Variants in RNF17 observed in about 807,000 individuals in gnomAD.
RNF17 encodes ring finger protein 17.
RNF17 carries 31 observed loss-of-function variants against 200.5 expected under a neutral mutation model. The ratio of observed to expected loss-of-function variants is 0.15; its 90% CI spans 0.12 to 0.21. The LOEUF is 0.21. Ranked by LOEUF, RNF17 falls within the 10% of genes least tolerant of loss-of-function variation. The pLI is 1.00. For missense variants in RNF17, 1,628 were observed against 1,905.1 expected (o/e 0.85, Z 2.71); for synonymous variants, 606 against 637.8 (o/e 0.95, Z 0.75).
At position 24,870,694 on chromosome 13, in the gene RNF17, A is replaced by G. The variant is rs1464895435; in HGVS notation, c.4402A>G (p.Asn1468Asp). The change falls in exon 32 of 36, where the codon AAT (asparagine) becomes GAT (aspartate). Residue 1468 changes from asparagine (N) to aspartate (D), a missense_variant. Asn to Asp is a conservative substitution (Grantham distance 23). Around this residue, in one of 5 missense-constraint regions of RNF17, gnomAD observed 609 missense variants for 681.9 expected, o/e 0.89. Transcript: ENST00000255324. ...CCTTGATGAAGCACTGCAGAGGGTT[A>G]ATAAGAAGGTAGAGGCGCTTCCTCC... ...ESLDEALQRV[N>D]KKVEALPPLT... The G allele has an allele frequency of 5.6e-6, 9 of 1,614,040 alleles. No individual in the cohort carries two copies. In the East Asian group the frequency reaches 2.0e-4, roughly 36 times the overall value.
intron 18 of RNF17, among the ~76,000 whole-genome samples, chr13:24,839,355 A>G (rs182310481): frequency 1.4e-4 from 21 of 152,268 alleles, no homozygotes; most frequent in Middle Eastern, 3.4e-3. Context: ...AAATACCACC[A>G]TCATTCTTCA....
At chr13:24,809,256 C>T (rs200823974) in intron 15 of RNF17, among the ~76,000 whole-genome samples, 1 of 150,686 alleles carries the variant, frequency 6.6e-6, no homozygotes, top group African/African-American at 2.4e-5. Context: ...TAGAATTCGG[C>T]TGTGAATCCA....
chr13:24,887,324 T>C, the RNF17 span, among the ~76,000 whole-genome samples: 1 of 152,196 alleles, frequency 6.6e-6, no homozygotes, highest in Non-Finnish European at 1.5e-5. Context: ...GTCTGTGGCC[T>C]GTAGGAACTG....
the RNF17 span, among the ~76,000 whole-genome samples, chr13:24,758,574 G>A: frequency 1.3e-5 from 2 of 152,046 alleles, no homozygotes; most frequent in African/African-American, 4.8e-5. Flanking sequence ...AAGCACAAAG[G>A]CTGAAGACGT....
intron 18 of RNF17, among the ~76,000 whole-genome samples, chr13:24,841,351 A>G (rs1405080781): frequency 1.3e-5 from 2 of 152,196 alleles, no homozygotes; most frequent in African/African-American, 4.8e-5. Context: ...GCAGATGATC[A>G]CTGGCCTGAG....
chr13:24,853,017 G>A lies in RNF17; in HGVS notation c.3321-838G>A, dbSNP rs141118122. Among the ~76,000 whole-genome samples, 117 of 152,284 alleles carry A rather than the reference G, an allele frequency of 7.7e-4. 1 individual carries two copies. In the East Asian group the frequency reaches 0.021, roughly 27 times the overall value. On this transcript the variant is annotated intron_variant, in intron 24 of 35. Transcript: ENST00000255324. ...CAATCTCTGGCTCCTGGGTTCAAGC[G>A]ATTCTCGCACCTCAGCCTCCCAAGT...
rs747446955 is a variant in RNF17, at chr13:24,788,032, A to G, written c.656A>G (p.Tyr219Cys). Residue 219 changes from tyrosine to cysteine, a missense_variant, in exon 7 of 36, where the codon TAT (tyrosine) becomes TGT (cysteine). This residue lies in a region of RNF17 where 502 missense variants were observed against 501.7 expected (regional missense o/e 1.00). Coordinates refer to ENST00000255324, the MANE Select transcript of RNF17 (RefSeq NM_031277.3). ...GAATTTGCAAGAACTACTGATGATT[A>G]TCTATCAAATTTAATAAAGGCTAAA... is the stretch of plus-strand genomic sequence containing the variant. Reference protein sequence around the residue: ...CEEFARTTDDYLSNLIKAKSY... With the variant: ...CEEFARTTDDCLSNLIKAKSY... 6.3e-7 allele frequency: 1 copy of G among 1,585,304 alleles called. No individual in the cohort carries two copies. Among genetic ancestry groups the G allele is most frequent in the Non-Finnish European group, 8.5e-7 (1 of 1,171,216 alleles).
the RNF17 span, chr13:24,750,557 T>C: frequency 8.6e-4 from 131 of 152,410 alleles, 1 homozygote; most frequent in African/African-American, 3.1e-3. Flanking sequence ...AATGGAATTA[T>C]ACAGTATGGT....
intron 13 of RNF17, 96 bp from the exon 14 acceptor site, chr13:24,802,285 A>G (rs1206802779): frequency 2.7e-6 from 3 of 1,092,902 alleles, no homozygotes; most frequent in Admixed American, 5.2e-5. Context: ...GTTTGTTCGC[A>G]GTTGCGTCTG....
At chr13:24,835,819 A>G (rs1323615232) in intron 18 of RNF17, among the ~76,000 whole-genome samples, 1 of 152,236 alleles carries the variant, frequency 6.6e-6, no homozygotes, top group African/African-American at 2.4e-5. Flanking sequence ...CAAACCAAGA[A>G]GTAGTCCTGG....
chr13:24,819,048 AAC>A (rs1887731814), intron 15 of RNF17, among the ~76,000 whole-genome samples: 1 of 152,128 alleles, frequency 6.6e-6, no homozygotes, highest in Non-Finnish European at 1.5e-5. Context: ...TGTGTTAAAA[AAC>A]ACACAGAATT....
intron 15 of RNF17, among the ~76,000 whole-genome samples, chr13:24,820,121 C>CTTTTTTTTTTTTTTTT (rs200683421): frequency 1.8e-5 from 2 of 113,314 alleles, no homozygotes; most frequent in Admixed American, 9.1e-5. Context: ...TTTCTTTTTT[C>CTTTTTTTTTTTTTTTT]TTTTTTTTTT....
Position 24,878,726 on chromosome 13 carries a change from T to A in RNF17, c.4774-461T>A, listed in dbSNP as rs971870582. Among the ~76,000 whole-genome samples the A allele has an allele frequency of 2.6e-5, 4 of 152,192 alleles. 1 individual carries two copies. Among genetic ancestry groups the A allele is most frequent in the African/African-American group, 7.2e-5 (3 of 41,422 alleles). ...GTCTCCCAGCCAGCTGGATGTCCCCTGCCCACATAGAGAGTGGGTCTTCCT... is the reference window on the plus strand; with the variant it reads ...GTCTCCCAGCCAGCTGGATGTCCCCAGCCCACATAGAGAGTGGGTCTTCCT... On this transcript the variant is annotated intron_variant, in intron 34 of 35. Coordinates refer to ENST00000255324, the MANE Select transcript of RNF17 (RefSeq NM_031277.3).
rs770813851 is a variant in RNF17, at chr13:24,789,404, A to C, written c.840A>C (p.Pro280=). The change falls in exon 8 of 36, where the codon CCA becomes CCC. Residue 280 remains proline, a synonymous_variant. Coordinates refer to ENST00000255324, the MANE Select transcript of RNF17 (RefSeq NM_031277.3). ...GTGAATTAGCACAAGTTAGTTCTCCACAACTAAGGAACCCTCCCAGGTAAG... is the reference window on the plus strand; with the variant it reads ...GTGAATTAGCACAAGTTAGTTCTCCCCAACTAAGGAACCCTCCCAGGTAAG... ...SDSELAQVSS[P]QLRNPPRLSV... The C allele has an allele frequency of 6.2e-7, 1 of 1,603,154 alleles. No homozygotes were observed. Among genetic ancestry groups the C allele is most frequent in the Admixed American group, 1.7e-5 (1 of 59,936 alleles).
At chr13:24,865,786 G>GGT (rs370138807) in intron 29 of RNF17, among the ~76,000 whole-genome samples, 16 of 151,544 alleles carry the variant, frequency 1.1e-4, no homozygotes, top group Admixed American at 5.3e-4. Flanking sequence ...GGTGAGTGGG[G>GGT]GTGTGTGTGT....
At chr13:24,789,553 TTAAGA>T in intron 8 of RNF17, 129 bp downstream of exon 8, 2 of 892,584 alleles carry the variant, frequency 2.2e-6, no homozygotes, top group Non-Finnish European at 3.6e-6. Flanking sequence ...AGTAACCAAA[TTAAGA>T]TAAGTGTAAT....
downstream of RNF17, chr13:24,884,207 T>C (rs1953942505): frequency 3.1e-6 from 5 of 1,614,198 alleles, no homozygotes; most frequent in Non-Finnish European, 4.2e-6. Context: ...CCTCCGGGTA[T>C]GTCGTGTGAG....
chr13:24,839,030 G>A (rs576040398), intron 18 of RNF17, among the ~76,000 whole-genome samples: 4 of 151,920 alleles, frequency 2.6e-5, no homozygotes, highest in African/African-American at 4.8e-5. Context: ...CACCAACAGC[G>A]ACCAAGTGGA....
chr13:24,859,240 G>C (rs1382286131), intron 26 of RNF17, 76 bp downstream of exon 26: 3 of 1,028,594 alleles, frequency 2.9e-6, no homozygotes, highest in Non-Finnish European at 2.7e-6. Context: ...ATTTGAACAC[G>C]AGAAAGTTGG....
Sources: allele counts gnomAD v4.1 joint callset (sites outside exome capture counted in the v4.1 genomes callset), GRCh38; gene constraint gnomAD v4.1.1; regional missense constraint gnomAD v4.1.1; transcripts MANE v1.5; gene names NCBI Gene and HGNC (gene_info 2026-07-23, HGNC 2026-07-21).